PCDH9: variants seen among roughly 807,000 people sequenced by gnomAD.
PCDH9 encodes the protein protocadherin 9, also known as protocadherin-9.
In PCDH9, 24 loss-of-function variants were observed where a neutral mutation model predicts 70.6. The observed-to-expected ratio is 0.34, with a 90% CI of 0.25 to 0.48. The LOEUF is 0.48. Among genes scored for constraint, PCDH9 ranks in the 20% least tolerant of loss-of-function variants. The probability of loss-of-function intolerance (pLI) is 0.99; values close to 1 mark genes in which losing one functional copy is unlikely to be tolerated. For synonymous variants in PCDH9, 562 were observed against 558.5 expected (o/e 1.01, Z -0.09); for missense variants, 1,281 against 1,503.6 (o/e 0.85, Z 2.45).
intron 2 of PCDH9, among the ~76,000 whole-genome samples, chr13:67,042,491 C>T (rs2085140261): frequency 6.6e-6 from 1 of 151,934 alleles, no homozygotes; most frequent in East Asian, 1.9e-4. Context: ...TCTCAAGTAT[C>T]TAATTAAAAA....
At chr13:66,379,232 G>A (rs71442700) in intron 4 of PCDH9, among the ~76,000 whole-genome samples, 1 of 152,194 alleles carries the variant, frequency 6.6e-6, no homozygotes, top group African/African-American at 2.4e-5. Context: ...CATCACAAGA[G>A]GATGTGAGAA....
rs1384589746 is a variant in PCDH9, at chr13:67,096,027, TAA to T, written c.3036+129376_3036+129377del. Among the ~76,000 whole-genome samples the T allele has an allele frequency of 2.6e-5, 4 of 152,312 alleles. No homozygotes were observed. The East Asian group carries it at 5.8e-4, about 22-fold the overall frequency. ...ATAGTAATAAAGACAAGCACATATA[TAA>T]GAGTCAACATTTTCTTTTTGCCAAG... On this transcript the variant is annotated intron_variant, in intron 2 of 4. Coordinates refer to ENST00000377865, the MANE Select transcript of PCDH9 (RefSeq NM_203487.3).
intron 4 of PCDH9, among the ~76,000 whole-genome samples, chr13:66,530,038 T>C (rs1483330289): frequency 1.3e-5 from 2 of 152,086 alleles, no homozygotes; most frequent in African/African-American, 4.8e-5. Context: ...TCTCTCTCCC[T>C]GCATATATAG....
chr13:67,108,875 T>C (rs2086599789), intron 2 of PCDH9, among the ~76,000 whole-genome samples: 2 of 152,168 alleles, frequency 1.3e-5, no homozygotes, highest in African/African-American at 2.4e-5. Context: ...CATTGTAATA[T>C]GGGCCCATAG....
chr13:66,465,385 T>C (rs996302884), intron 4 of PCDH9, among the ~76,000 whole-genome samples: 1 of 151,946 alleles, frequency 6.6e-6, no homozygotes, highest in Non-Finnish European at 1.5e-5. Flanking sequence ...GCAGTATTTA[T>C]AATGATTCAG....
chr13:66,897,293 A>C (rs534635896), intron 3 of PCDH9, among the ~76,000 whole-genome samples: 1 of 152,050 alleles, frequency 6.6e-6, no homozygotes, highest in Non-Finnish European at 1.5e-5. Context: ...AGACAGATTA[A>C]TATATGACTC....
At chr13:67,084,981 AAAAAAAAAAAAAAAAAATATAT>A (rs2086067947) in intron 2 of PCDH9, among the ~76,000 whole-genome samples, 1 of 69,610 alleles carries the variant, frequency 1.4e-5, no homozygotes. Flanking sequence ...AAAAAAAAAA[AAAAAAAAAAAAAAAAAATATAT>A]ATATATATAT....
chr13:66,800,753 A>G (rs1039227495), intron 3 of PCDH9, among the ~76,000 whole-genome samples: 1 of 152,182 alleles, frequency 6.6e-6, no homozygotes, highest in Admixed American at 6.6e-5. Flanking sequence ...CTTTGATTTT[A>G]TATCACAATA....
chr13:66,542,677 AATATATATATGTTTAAAT>A (rs1402584120), intron 4 of PCDH9, among the ~76,000 whole-genome samples: 1 of 112,270 alleles, frequency 8.9e-6, no homozygotes, highest in Non-Finnish European at 1.9e-5. Flanking sequence ...TATATATTTA[AATATATATATGTTTAAAT>A]ATATATATAT....
intron 3 of PCDH9, among the ~76,000 whole-genome samples, chr13:66,675,598 A>G (rs1202607823): frequency 6.6e-6 from 1 of 152,144 alleles, no homozygotes; most frequent in Non-Finnish European, 1.5e-5. Context: ...TCAGGTGTCA[A>G]AGGAACCAGT....
At chr13:66,379,554 C>T (rs1956806603) in intron 4 of PCDH9, among the ~76,000 whole-genome samples, 1 of 152,216 alleles carries the variant, frequency 6.6e-6, no homozygotes, top group Non-Finnish European at 1.5e-5. Flanking sequence ...ACCAATTCTG[C>T]ATAAATAAAT....
chr13:66,589,505 C>T (rs2077011351), intron 4 of PCDH9, among the ~76,000 whole-genome samples: 1 of 151,906 alleles, frequency 6.6e-6, no homozygotes, highest in African/African-American at 2.4e-5. Flanking sequence ...AAATAAAATG[C>T]AATTAGAAAG....
chr13:66,766,282 A>G (rs1480279032), intron 3 of PCDH9, among the ~76,000 whole-genome samples: 2 of 151,988 alleles, frequency 1.3e-5, no homozygotes, highest in Non-Finnish European at 2.9e-5. Context: ...AGAGATGACG[A>G]TAGACTCACC....
intron 4 of PCDH9, among the ~76,000 whole-genome samples, chr13:66,408,555 T>C (rs1223993322): frequency 6.6e-6 from 1 of 152,242 alleles, no homozygotes; most frequent in Non-Finnish European, 1.5e-5. Flanking sequence ...TTGGTTTTAG[T>C]TTGTTTTACT....
At chr13:66,491,419 A>C (rs201105190) in intron 4 of PCDH9, among the ~76,000 whole-genome samples, 1 of 60,760 alleles carries the variant, frequency 1.6e-5, no homozygotes, top group Non-Finnish European at 3.5e-5. Flanking sequence ...GTGTGTGTGT[A>C]TGAGAGAGAG....
intron 4 of PCDH9, among the ~76,000 whole-genome samples, chr13:66,483,404 A>G (rs1292108276): frequency 6.6e-6 from 1 of 152,194 alleles, no homozygotes; most frequent in Non-Finnish European, 1.5e-5. Context: ...TATCACAACC[A>G]CACCTTCACC....
intron 3 of PCDH9, among the ~76,000 whole-genome samples, chr13:66,668,899 C>A (rs1329222592): frequency 6.6e-6 from 1 of 152,090 alleles, no homozygotes; most frequent in African/African-American, 2.4e-5. Context: ...GTATTATGGT[C>A]TCAGGTTTGT....
intron 3 of PCDH9, among the ~76,000 whole-genome samples, chr13:66,704,811 T>A (rs900735253): frequency 1.3e-5 from 2 of 152,110 alleles, no homozygotes; most frequent in African/African-American, 2.4e-5. Context: ...GTAAGGCACT[T>A]AATTTGCTCA....
chr13:66,870,592 C>T (rs2081659335), intron 3 of PCDH9, among the ~76,000 whole-genome samples: 1 of 152,114 alleles, frequency 6.6e-6, no homozygotes, highest in Non-Finnish European at 1.5e-5. Flanking sequence ...TGAACAGACA[C>T]TTTTCAAAAG....
Sources: allele counts gnomAD v4.1 joint callset (sites outside exome capture counted in the v4.1 genomes callset), GRCh38; gene constraint gnomAD v4.1.1; transcripts MANE v1.5; gene names NCBI Gene and HGNC (gene_info 2026-07-23, HGNC 2026-07-21).